ZNF880: variants seen among roughly 807,000 people sequenced by gnomAD.
The protein encoded by ZNF880 is zinc finger protein 880.
A neutral mutation model predicts 11.8 loss-of-function variants in ZNF880; 12 were observed. The ratio of observed to expected loss-of-function variants is 1.02; its 90% CI spans 0.65 to 1.65. The LOEUF is 1.65. ZNF880 is among the 40% of genes most tolerant of loss of function. ZNF880 has a pLI of 0.00. For missense variants in ZNF880, 601 were observed against 673.9 expected (o/e 0.89, Z 1.20); for synonymous variants, 210 against 232.4 (o/e 0.90, Z 0.88).
chr19:52,374,990 G>T (rs1365688770), intron 3 of ZNF880, among the ~76,000 whole-genome samples: 14 of 151,850 alleles, frequency 9.2e-5, no homozygotes, highest in Admixed American at 9.2e-4. Flanking sequence ...TTCCCACCTG[G>T]CCTGCCAACG....
At chr19:52,383,359 G>A (rs572466913) in intron 3 of ZNF880, among the ~76,000 whole-genome samples, 1 of 152,172 alleles carries the variant, frequency 6.6e-6, no homozygotes, top group African/African-American at 2.4e-5. Flanking sequence ...TGTAGGCCTC[G>A]TAATTTTTGG....
At chr19:52,381,746 T>C (rs1246220228) in intron 3 of ZNF880, among the ~76,000 whole-genome samples, 1 of 152,304 alleles carries the variant, frequency 6.6e-6, no homozygotes, top group Admixed American at 6.5e-5. Flanking sequence ...GTGTGTCGGA[T>C]AGATTTTCTC....
upstream of ZNF880, among the ~76,000 whole-genome samples, chr19:52,369,502 AT>A (rs1986284890): frequency 6.6e-6 from 1 of 151,674 alleles, no homozygotes; most frequent in Non-Finnish European, 1.5e-5. Context: ...ATTCATTTAT[AT>A]TTATTTATTT....
Position 52,373,669 on chromosome 19 carries a change from A to ATTTT in ZNF880, c.139+452_139+455dup, listed in dbSNP as rs35788651. Among the ~76,000 whole-genome samples the ATTTT allele has an allele frequency of 7.5e-3, 771 of 102,512 alleles. 26 individuals are homozygous for ATTTT. Among genetic ancestry groups the ATTTT allele is most frequent in the Middle Eastern group, 0.071 (9 of 126 alleles). 67.3% of individuals were successfully genotyped at this position (102,512 alleles called of 152,430 possible). On this transcript the variant is annotated intron_variant, in intron 2 of 3. Transcript: ENST00000422689. The stretch of plus-strand genomic sequence containing the variant: ...GGATGAATTCATGTGAAATACTGTA[A>ATTTT]TTTTTTTTTTTTTTTTTTTTTTTGA...
upstream of ZNF880, among the ~76,000 whole-genome samples, chr19:52,369,362 C>CAAAA (rs57601492): frequency 8.9e-6 from 1 of 112,486 alleles, no homozygotes. Flanking sequence ...ACTCTGTCTC[C>CAAAA]AAAAAAAAAA....
chr19:52,396,623 G>A, the ZNF880 span: 1 of 152,228 alleles, frequency 6.6e-6, no homozygotes, highest in African/African-American at 2.4e-5. Context: ...AGGGCTTGAT[G>A]TGGGGGTCCT....
chr19:52,392,393 C>T, the ZNF880 span, among the ~76,000 whole-genome samples: 5 of 152,140 alleles, frequency 3.3e-5, no homozygotes, highest in South Asian at 6.2e-4. Context: ...CGCCACCTCC[C>T]GGGTTCAAGT....
chr19:52,371,878 C>T (rs1370829087), intron 1 of ZNF880, among the ~76,000 whole-genome samples: 2 of 152,054 alleles, frequency 1.3e-5, no homozygotes, highest in African/African-American at 2.4e-5. Context: ...AAGTGCCTGT[C>T]ACATGGGAGG....
At chr19:52,383,607 G>A (rs545156076) in intron 3 of ZNF880, among the ~76,000 whole-genome samples, 2 of 152,216 alleles carry the variant, frequency 1.3e-5, no homozygotes, top group African/African-American at 2.4e-5. Context: ...AATTTCTGTT[G>A]TATTTTTCTG....
chr19:52,382,612 C>T (rs1600251080), intron 3 of ZNF880, among the ~76,000 whole-genome samples: 1 of 152,078 alleles, frequency 6.6e-6, no homozygotes. Context: ...CTCTCACTGC[C>T]TTCTAGCCTG....
downstream of ZNF880, among the ~76,000 whole-genome samples, chr19:52,386,856 T>G (rs1256219190): frequency 7.1e-6 from 1 of 141,330 alleles, no homozygotes; most frequent in Non-Finnish European, 1.5e-5. Flanking sequence ...GAGAGAACAG[T>G]TGATTAGAGA....
At chr19:52,369,626 A>G (rs1204201459), upstream of ZNF880, among the ~76,000 whole-genome samples, 1 of 151,998 alleles carries the variant, frequency 6.6e-6, no homozygotes, top group African/African-American at 2.4e-5. Context: ...TGCAGCCTCC[A>G]CCTCATGGGC....
At chr19:52,377,999 T>C (rs1986603480) in intron 3 of ZNF880, among the ~76,000 whole-genome samples, 2 of 152,108 alleles carry the variant, frequency 1.3e-5, no homozygotes, top group Admixed American at 6.6e-5. Context: ...ATAGGTGTGA[T>C]TGATATTATC....
chr19:52,383,619 T>C (rs1171853364), intron 3 of ZNF880, among the ~76,000 whole-genome samples: 2 of 152,204 alleles, frequency 1.3e-5, no homozygotes, highest in African/African-American at 4.8e-5. Context: ...ATTTTTCTGC[T>C]CATAATCTCT....
At chr19:52,382,426 A>G (rs1418157079) in intron 3 of ZNF880, among the ~76,000 whole-genome samples, 1 of 152,136 alleles carries the variant, frequency 6.6e-6, no homozygotes, top group East Asian at 1.9e-4. Context: ...TTTATTTTAT[A>G]TTGAAGGAGT....
At chr19:52,376,434 A>G (rs868610920) in intron 3 of ZNF880, among the ~76,000 whole-genome samples, 27 of 146,132 alleles carry the variant, frequency 1.8e-4, no homozygotes, top group Middle Eastern at 7.6e-3. Flanking sequence ...GTCTTTCTTC[A>G]TATGTTTGTT....
At chr19:52,370,372 G>T in intron 1 of ZNF880, 1 of 222,222 alleles carries the variant, frequency 4.5e-6, no homozygotes, top group South Asian at 8.3e-5. Context: ...AGAGGAAATC[G>T]ATCTGATGTT....
At chr19:52,387,460 T>C (rs533638183), downstream of ZNF880, among the ~76,000 whole-genome samples, 13 of 141,300 alleles carry the variant, frequency 9.2e-5, 1 homozygote, top group Admixed American at 4.2e-4. Flanking sequence ...TACTTTTTTT[T>C]TTTTTTGAGA....
At chr19:52,386,731 G>A (rs2122430630), downstream of ZNF880, among the ~76,000 whole-genome samples, 1 of 137,880 alleles carries the variant, frequency 7.3e-6, no homozygotes, top group East Asian at 2.1e-4. Context: ...GAACCCGGGA[G>A]GCAGAGGTTG....
Sources: gnomAD v4.1 joint callset for allele counts (sites outside exome capture counted in the v4.1 genomes callset) on GRCh38, gnomAD v4.1.1 for gene constraint, MANE v1.5 for transcripts, NCBI Gene and HGNC (gene_info 2026-07-23, HGNC 2026-07-21) for gene names.